Variants in EFNA1 observed in about 807,000 individuals in gnomAD.
The protein encoded by EFNA1 is ephrin-A1.
Under a neutral mutation model 23.2 loss-of-function variants are expected in EFNA1, and 8 were observed. That is an observed-to-expected ratio of 0.34 (90% CI 0.20 to 0.62). The LOEUF is 0.62. EFNA1 is among the 20% of genes least tolerant of loss of function. EFNA1 has a pLI of 0.75. For missense variants in EFNA1, 217 were observed against 260.0 expected (o/e 0.83, Z 1.14); for synonymous variants, 89 against 98.6 (o/e 0.90, Z 0.58).
At chr1:155,128,937 G>A (rs530729003) in intron 1 of EFNA1, among the ~76,000 whole-genome samples, 1 of 152,130 alleles carries the variant, frequency 6.6e-6, no homozygotes, top group African/African-American at 2.4e-5. Context: ...AGCAGGGAGA[G>A]AAGTGGGCAG....
At chr1:155,131,093 C>T (rs910908106) in intron 1 of EFNA1, 48 of 1,309,294 alleles carry the variant, frequency 3.7e-5, no homozygotes, top group Middle Eastern at 2.9e-4. Flanking sequence ...CTTTGGTACC[C>T]GAAAGATACT....
chr1:155,130,049 C>G (rs1412891205), intron 1 of EFNA1, among the ~76,000 whole-genome samples: 1 of 152,244 alleles, frequency 6.6e-6, no homozygotes, highest in Non-Finnish European at 1.5e-5. Flanking sequence ...AAAAGCCTCT[C>G]TCTGCTCCTC....
intron 1 of EFNA1, chr1:155,130,890 G>A: frequency 4.1e-6 from 4 of 985,310 alleles, no homozygotes; most frequent in Non-Finnish European, 4.8e-6. Context: ...AAAGAGAAAG[G>A]GTTTCCTGGA....
In EFNA1 at chr1:155,133,495, T is replaced by A. The variant is rs200568335; in HGVS notation, c.389-8T>A. On this transcript the variant is annotated splice_region_variant and splice_polypyrimidine_tract_variant and intron_variant, in intron 2 of 4. Transcript: ENST00000368407. ...TTCTTATTTAACCCCTGTGGGCTTA[T>A]CTTGCAGCCAAACCCATCCACCAGC... 5 of 1,614,176 alleles carry A rather than the reference T, an allele frequency of 3.1e-6. No homozygotes were observed. The highest frequency in any genetic ancestry group is 8.5e-7 in the Non-Finnish European group (1 of 1,180,034).
chr1:155,133,878 G>A, intron 4 of EFNA1, 77 bp from the exon 5 acceptor site: 2 of 1,605,054 alleles, frequency 1.2e-6, no homozygotes, highest in Non-Finnish European at 1.7e-6. Flanking sequence ...TGAGGCTGAG[G>A]GAATCCTGTT....
chr1:155,131,884 T>C (rs887774071), intron 2 of EFNA1, among the ~76,000 whole-genome samples: 1 of 152,022 alleles, frequency 6.6e-6, no homozygotes, highest in African/African-American at 2.4e-5. Context: ...GAAACACACA[T>C]AGGTTAAGAG....
intron 1 of EFNA1, chr1:155,130,975 CAG>C: frequency 4.1e-6 from 4 of 985,244 alleles, no homozygotes; most frequent in Non-Finnish European, 4.8e-6. Context: ...ACTGGTAGAA[CAG>C]ATTTGGGGAA....
Position 155,128,066 on chromosome 1 carries a change from C to G in EFNA1, c.89C>G (p.Pro30Arg), listed in dbSNP as rs774280888. ...ACCGTCTTCTGGAACAGTTCAAATCCCAAGTAAGCCTCGAGACTCCCGCTG... is the reference window on the plus strand; with the variant it reads ...ACCGTCTTCTGGAACAGTTCAAATCGCAAGTAAGCCTCGAGACTCCCGCTG... ...RHTVFWNSSN[P>R]KFRNEDYTIH... is the part of the protein sequence containing the mutation. The change falls in exon 1 of 5, where the codon CCC (proline) becomes CGC (arginine). Residue 30 changes from proline to arginine, a missense_variant. Pro to Arg is a moderately radical substitution (Grantham distance 103). Transcript: ENST00000368407. 1.1e-5 allele frequency: 18 copies of G among 1,613,498 alleles called. No homozygotes were observed. The African/African-American group carries it at 2.4e-4, about 22-fold the overall frequency.
chr1:155,129,122 C>T (rs1664161811), intron 1 of EFNA1, among the ~76,000 whole-genome samples: 1 of 152,152 alleles, frequency 6.6e-6, no homozygotes, highest in Admixed American at 6.5e-5. Context: ...AGCCAGCTGC[C>T]AACCCCAGAG....
Position 155,134,475 on chromosome 1 carries a change from G to A in EFNA1, c.*408G>A, listed in dbSNP as rs1664330429. 1.3e-5 allele frequency: 3 copies of A among 222,636 alleles called. No individual in the cohort carries two copies. The South Asian group carries it at 1.9e-4, about 14-fold the overall frequency. 13.8% of individuals were successfully genotyped at this position (222,636 alleles called of 1,614,324 possible). On this transcript the variant is annotated 3_prime_UTR_variant, in exon 5 of 5. Coordinates refer to ENST00000368407, the MANE Select transcript of EFNA1 (RefSeq NM_004428.3). ...GCCAGGATGCCCAGATGAACTGACTGAAGGAAAAGCAAGAAACAGTTTCTT... is the reference window on the plus strand; with the variant it reads ...GCCAGGATGCCCAGATGAACTGACTAAAGGAAAAGCAAGAAACAGTTTCTT...
In EFNA1 at chr1:155,128,384, CT is replaced by C. The variant is rs1449498430; in HGVS notation, c.92+317del. 2.0e-5 allele frequency among the ~76,000 whole-genome samples: 3 copies of C among 152,040 alleles called. No homozygotes were observed. In the East Asian group the frequency reaches 5.8e-4, roughly 29 times the overall value. ...GACTTCGCCCCTGGCAGCCAGGGCCCTTGTTCCAGGCCCCCCACCCCCCCAC... is the reference window on the plus strand; with the variant it reads ...GACTTCGCCCCTGGCAGCCAGGGCCCTGTTCCAGGCCCCCCACCCCCCCAC... On this transcript the variant is annotated intron_variant, in intron 1 of 4. Coordinates refer to ENST00000368407, the MANE Select transcript of EFNA1 (RefSeq NM_004428.3).
At position 155,130,444 on chromosome 1, in the gene EFNA1, G is replaced by A. The variant is rs1219530495; in HGVS notation, c.93-895G>A. The A allele has an allele frequency of 5.4e-6, 5 of 930,938 alleles. No homozygotes were observed. In the African/African-American group the frequency reaches 8.9e-5, roughly 17 times the overall value. 57.7% of individuals were successfully genotyped at this position (930,938 alleles called of 1,614,324 possible). A position where few individuals can be genotyped will look rare whatever the true frequency, so the allele number is the denominator to read the frequency against. On this transcript the variant is annotated intron_variant, in intron 1 of 4. Transcript: ENST00000368407. ...CCAGGGGGAATGAACTAGGGGAGGGGTGCTGGCTCCACCTTGGGAGGAGGG... is the reference window on the plus strand; with the variant it reads ...CCAGGGGGAATGAACTAGGGGAGGGATGCTGGCTCCACCTTGGGAGGAGGG...
At chr1:155,130,718 T>C (rs969907862) in intron 1 of EFNA1, 7 of 985,056 alleles carry the variant, frequency 7.1e-6, no homozygotes, top group Non-Finnish European at 8.4e-6. Context: ...TGATTTAACT[T>C]AAAGGACTGG....
At chr1:155,129,253 C>T (rs866114073) in intron 1 of EFNA1, among the ~76,000 whole-genome samples, 11 of 152,130 alleles carry the variant, frequency 7.2e-5, no homozygotes, top group Admixed American at 7.2e-4. Flanking sequence ...AGCAAAGTCC[C>T]TGTTTATGCC....
chr1:155,133,363 A>AG (rs745415656), intron 2 of EFNA1, 140 bp from the exon 3 acceptor site: 4 of 940,768 alleles, frequency 4.3e-6, no homozygotes, highest in Non-Finnish European at 6.5e-6. Flanking sequence ...GCAAAAACTA[A>AG]GGAGGGTAGG....
At chr1:155,131,775 T>C in intron 2 of EFNA1, 141 bp downstream of exon 2, 1 of 969,170 alleles carries the variant, frequency 1.0e-6, no homozygotes, top group Middle Eastern at 3.4e-4. Flanking sequence ...CATCCCAATG[T>C]GAGTGAGCTT....
Position 155,131,402 on chromosome 1 carries a change from G to A in EFNA1, c.156G>A (p.Pro52=), listed in dbSNP as rs376532577. The change falls in exon 2 of 5, where the codon CCG becomes CCA. Residue 52 remains proline, a synonymous_variant. Transcript: ENST00000368407. ...QLNDYVDIIC[P]HYEDHSVADA... is the part of the protein sequence containing the mutation. ...ATGACTACGTGGACATCATCTGTCCGCACTATGAAGATCACTCTGTGGCAG... is the reference window on the plus strand; with the variant it reads ...ATGACTACGTGGACATCATCTGTCCACACTATGAAGATCACTCTGTGGCAG... 6.0e-5 allele frequency: 97 copies of A among 1,614,004 alleles called. No individual in the cohort carries two copies. The highest frequency in any genetic ancestry group is 1.6e-4 in the Middle Eastern group (1 of 6,074).
Position 155,131,574 on chromosome 1 carries a change from C to A in EFNA1, c.328C>A (p.Arg110Ser). The A allele has an allele frequency of 6.2e-7, 1 of 1,613,960 alleles. No homozygotes were observed. Among genetic ancestry groups the A allele is most frequent in the Non-Finnish European group, 8.5e-7 (1 of 1,179,990 alleles). Reference sequence around the variant, plus strand: ...GGAGAAGCTGTCTGAGAAGTTCCAGCGCTTCACACCTTTCACCCTGGGCAA... The same window carrying A: ...GGAGAAGCTGTCTGAGAAGTTCCAGAGCTTCACACCTTTCACCCTGGGCAA... ...GPEKLSEKFQRFTPFTLGKEF... is the reference protein window; with the variant it reads ...GPEKLSEKFQSFTPFTLGKEF... Residue 110 changes from arginine (R) to serine (S), a missense_variant, in exon 2 of 5, where the codon CGC becomes AGC. Coordinates refer to ENST00000368407, the MANE Select transcript of EFNA1 (RefSeq NM_004428.3).
rs760246829 is a variant in EFNA1 at position 155,131,323 on chromosome 1, CTG to C, written c.93-8_93-7del. 19 of 1,577,496 alleles carry C rather than the reference CTG, an allele frequency of 1.2e-5. No homozygotes were observed. The highest frequency in any genetic ancestry group is 1.8e-4 in the Middle Eastern group (1 of 5,658). On this transcript the variant is annotated splice_polypyrimidine_tract_variant and intron_variant, in intron 1 of 4. Coordinates refer to ENST00000368407, the MANE Select transcript of EFNA1 (RefSeq NM_004428.3). ...CTGAATGACCACCTGCTTCTTCCCC[CTG>C]TGTGTGTCCCCAGGTTCCGGAATGA...
Sources: gnomAD v4.1 joint callset for allele counts (sites outside exome capture counted in the v4.1 genomes callset) on GRCh38, gnomAD v4.1.1 for gene constraint, MANE v1.5 for transcripts, NCBI Gene and HGNC (gene_info 2026-07-23, HGNC 2026-07-21) for gene names.